FAM53C: variants seen among roughly 807,000 people sequenced by gnomAD.
The protein encoded by FAM53C is family with sequence similarity 53 member C, also known as protein FAM53C.
FAM53C carries 10 observed loss-of-function variants against 34.7 expected under a neutral mutation model. That is an observed-to-expected ratio of 0.29 (90% CI 0.18 to 0.49). FAM53C has a LOEUF of 0.49. FAM53C is among the 20% of genes least tolerant of loss of function. FAM53C has a pLI of 0.99. For missense variants in FAM53C, 442 were observed against 515.3 expected, an observed-to-expected ratio of 0.86 and a Z score of 1.38; for synonymous variants, 203 against 203.6, an observed-to-expected ratio of 1.00 and a Z score of 0.03.
chr5:138,344,856 T>G lies in FAM53C; in HGVS notation c.168T>G (p.Cys56Trp), dbSNP rs1178596769. The change falls in exon 4 of 5, where the codon TGT becomes TGG. Residue 56 changes from cysteine to tryptophan, a missense_variant. Cys to Trp is a radical substitution (Grantham distance 215). Coordinates refer to ENST00000239906, the MANE Select transcript of FAM53C (RefSeq NM_016605.3). ...EGASWRGLPH[C>W]SCAEFQDSLN... ...CTTCCTGGAGGGGCCTGCCCCACTG[T>G]TCCTGTGCTGAGTTCCAGGACAGCC... is the stretch of plus-strand genomic sequence containing the variant. The G allele has an allele frequency of 6.3e-7, 1 of 1,596,340 alleles. No individual in the cohort carries two copies. Among genetic ancestry groups the G allele is most frequent in the African/African-American group, 1.3e-5 (1 of 74,200 alleles).
chr5:138,343,105 C>T (rs1761078030), intron 3 of FAM53C: 1 of 151,752 alleles, frequency 6.6e-6, no homozygotes, highest in Non-Finnish European at 1.5e-5. Context: ...GTATTCATTC[C>T]CTTGTTATAT....
At chr5:138,340,585 A>G (rs973808331) in intron 1 of FAM53C, among the ~76,000 whole-genome samples, 1 of 152,250 alleles carries the variant, frequency 6.6e-6, no homozygotes, top group Non-Finnish European at 1.5e-5. Context: ...CGACGTCTGT[A>G]GAGTTGAAAT....
rs758230471 is a variant in FAM53C, at chr5:138,346,712, CAGG to C, written c.936_938del (p.Gly313del). The C allele has an allele frequency of 1.2e-6, 2 of 1,614,174 alleles. No homozygotes were observed. The highest frequency in any genetic ancestry group is 8.5e-7 in the Non-Finnish European group (1 of 1,180,052). ...TTGTTTGTTTGACAGAAACCATACT[CAGG>C]AGGTCTTTGTCTCCAAGAAACAGCC... On this transcript the variant is annotated inframe_deletion, in exon 5 of 5. Coordinates refer to ENST00000239906, the MANE Select transcript of FAM53C (RefSeq NM_016605.3).
Position 138,347,747 on chromosome 5 carries a change from G to T in FAM53C, c.*788G>T. 1 of 152,696 alleles carries T rather than the reference G, an allele frequency of 6.5e-6. No individual in the cohort carries two copies. 9.5% of individuals were successfully genotyped at this position (152,696 alleles called of 1,614,324 possible). A position where few individuals can be genotyped will look rare whatever the true frequency, so the allele number is the denominator to read the frequency against. ...GTGTCACCATATTTTTTCTGAGCTG[G>T]CCTTTTTTTCTCATCAGATTGTCCA... On this transcript the variant is annotated 3_prime_UTR_variant, in exon 5 of 5. Transcript: ENST00000239906.
rs1761243415 is a variant in FAM53C, at chr5:138,348,648, A to AC, written c.*1690dup. 6.6e-6 allele frequency: 1 copy of AC among 151,804 alleles called. No individual in the cohort carries two copies. The highest frequency in any genetic ancestry group is 2.4e-5 in the African/African-American group (1 of 41,298). The allele number at this position is 151,804 out of a possible 1,614,324, so 9.4% of individuals were successfully genotyped here. A position where few individuals can be genotyped will look rare whatever the true frequency, so the allele number is the denominator to read the frequency against. On this transcript the variant is annotated 3_prime_UTR_variant, in exon 5 of 5. Transcript: ENST00000239906. The stretch of plus-strand genomic sequence containing the variant: ...GTGAGGCTTCAGCCTCCTCGTCTCC[A>AC]CTCCAGAGAGGAGGTGGCTATGTCT...
intron 3 of FAM53C, among the ~76,000 whole-genome samples, chr5:138,344,060 G>T (rs555345762): frequency 5.3e-5 from 8 of 152,154 alleles, no homozygotes; most frequent in Admixed American, 1.3e-4. Flanking sequence ...TCACAATTTT[G>T]GTTGGAATAC....
chr5:138,337,899 G>T, upstream of FAM53C: 1 of 1,215,076 alleles, frequency 8.2e-7, no homozygotes, highest in Admixed American at 2.5e-5. Context: ...GAACCGAGTG[G>T]GAGGCTGCAG....
At chr5:138,342,042 G>C (rs1761047648) in intron 3 of FAM53C, 176 bp downstream of exon 3, 2 of 589,242 alleles carry the variant, frequency 3.4e-6, no homozygotes, top group Admixed American at 5.8e-5. Context: ...TTATCTGGTT[G>C]GTTTGCTCTT....
chr5:138,338,460 G>C (rs1760890237), intron 1 of FAM53C, 153 bp downstream of exon 1: 1 of 330,928 alleles, frequency 3.0e-6, no homozygotes, highest in African/African-American at 2.3e-5. Context: ...CCCGGTGGGG[G>C]AGGGGGTGGC....
chr5:138,346,190 G>T (rs749726073), intron 4 of FAM53C, among the ~76,000 whole-genome samples: 1 of 151,974 alleles, frequency 6.6e-6, no homozygotes, highest in Non-Finnish European at 1.5e-5. Flanking sequence ...TCATACAGTC[G>T]TCCATCCCAT....
At chr5:138,341,512 C>A in intron 2 of FAM53C, 99 bp downstream of exon 2, 1 of 1,154,304 alleles carries the variant, frequency 8.7e-7, no homozygotes, top group Non-Finnish European at 1.3e-6. Flanking sequence ...CTGTATGAAT[C>A]ATGGTACTTA....
chr5:138,344,975 T>C lies in FAM53C; in HGVS notation c.287T>C (p.Leu96Pro). The change falls in exon 4 of 5, where the codon CTA becomes CCA. Residue 96 changes from leucine to proline, a missense_variant. Leu to Pro is a moderately conservative substitution (Grantham distance 98). Coordinates refer to ENST00000239906, the MANE Select transcript of FAM53C (RefSeq NM_016605.3). Reference sequence around the variant, plus strand: ...AAGGAGCAGCCCTTCTCCCAAGTCCTAAGACCTGAGCCCCCAGATCCAGAG... The same window carrying C: ...AAGGAGCAGCCCTTCTCCCAAGTCCCAAGACCTGAGCCCCCAGATCCAGAG... Reference protein sequence around the residue: ...SPKEQPFSQVLRPEPPDPEKL... With the variant: ...SPKEQPFSQVPRPEPPDPEKL... The C allele has an allele frequency of 6.2e-7, 1 of 1,613,948 alleles. No homozygotes were observed. The highest frequency in any genetic ancestry group is 8.5e-7 in the Non-Finnish European group (1 of 1,179,962).
chr5:138,346,555 C>T (rs1185871237), intron 4 of FAM53C, 147 bp from the exon 5 acceptor site: 5 of 969,140 alleles, frequency 5.2e-6, no homozygotes, highest in East Asian at 2.6e-5. Flanking sequence ...ACCCGGGAGG[C>T]AGAGCTTGCA....
rs1257337310 is a variant in FAM53C, at chr5:138,347,375, T to C, written c.*416T>C. ...TCCTCAGAGAAACTGCGTGAGAGTG[T>C]GTGCGTGCATGGGAGTGTACTTGTG... On this transcript the variant is annotated 3_prime_UTR_variant, in exon 5 of 5. Coordinates refer to ENST00000239906, the MANE Select transcript of FAM53C (RefSeq NM_016605.3). 6 of 256,882 alleles carry C rather than the reference T, an allele frequency of 2.3e-5. No homozygotes were observed. Among genetic ancestry groups the C allele is most frequent in the Non-Finnish European group, 4.6e-5 (6 of 130,922 alleles). 15.9% of individuals were successfully genotyped at this position (256,882 alleles called of 1,614,324 possible). A position where few individuals can be genotyped will look rare whatever the true frequency, so the allele number is the denominator to read the frequency against.
Position 138,344,831 on chromosome 5 carries a change from C to T in FAM53C, c.143C>T (p.Ala48Val), listed in dbSNP as rs1761122196. ...TATTATAAATGCCTTCCAGAAGGTG[C>T]TTCCTGGAGGGGCCTGCCCCACTGT... ...GNSFQLVSEG[A>V]SWRGLPHCSC... The change falls in exon 4 of 5, where the codon GCT becomes GTT. Residue 48 changes from alanine (A) to valine (V), a missense_variant. Ala to Val is a moderately conservative substitution (Grantham distance 64). Transcript: ENST00000239906. 1 of 1,538,264 alleles carries T rather than the reference C, an allele frequency of 6.5e-7. No homozygotes were observed. Among genetic ancestry groups the T allele is most frequent in the African/African-American group, 1.4e-5 (1 of 71,800 alleles).
chr5:138,337,675 G>T (rs897955401), upstream of FAM53C: 1 of 322,810 alleles, frequency 3.1e-6, no homozygotes, highest in Non-Finnish European at 5.9e-6. Context: ...TAAGTCCTGG[G>T]TTTTTAAGGT....
Position 138,338,294 on chromosome 5 carries a change from C to T in FAM53C, c.-166C>T, listed in dbSNP as rs889604237. On this transcript the variant is annotated 5_prime_UTR_variant, in exon 1 of 5. Coordinates refer to ENST00000239906, the MANE Select transcript of FAM53C (RefSeq NM_016605.3). ...GCTGCTCCGGCCGCGGCCCTGGGAG[C>T]TGGAGGAACCGCGGTAGGTGGTGGA... 74 of 679,702 alleles carry T rather than the reference C, an allele frequency of 1.1e-4. 1 individual carries two copies. Among genetic ancestry groups the T allele is most frequent in the African/African-American group, 5.0e-4 (27 of 53,902 alleles). The allele number at this position is 679,702 out of a possible 1,614,324, so 42.1% of individuals were successfully genotyped here. A position where few individuals can be genotyped will look rare whatever the true frequency, so the allele number is the denominator to read the frequency against.
At chr5:138,346,678 C>A (rs1253094443) in intron 4 of FAM53C, 24 bp from the exon 5 acceptor site, 3 of 1,613,498 alleles carry the variant, frequency 1.9e-6, no homozygotes, top group Non-Finnish European at 2.5e-6. Context: ...TCAGGTGTAA[C>A]TGTCTTCTTT....
intron 1 of FAM53C, 64 bp downstream of exon 1, chr5:138,338,371 C>A (rs923581185): frequency 5.0e-6 from 2 of 396,862 alleles, no homozygotes; most frequent in Non-Finnish European, 9.9e-6. Flanking sequence ...TCCCTCCCTC[C>A]TTCCCTCTTT....
Sources: allele counts gnomAD v4.1 joint callset (sites outside exome capture counted in the v4.1 genomes callset), GRCh38; gene constraint gnomAD v4.1.1; transcripts MANE v1.5; gene names NCBI Gene and HGNC (gene_info 2026-07-23, HGNC 2026-07-21).